EMSY: variants seen among roughly 807,000 people sequenced by gnomAD.
EMSY encodes the protein BRCA2-interacting transcriptional repressor EMSY.
Under a neutral mutation model 134.6 loss-of-function variants are expected in EMSY, and 26 were observed. The observed-to-expected ratio is 0.19, with a 90% CI of 0.14 to 0.27. The LOEUF (loss-of-function observed/expected upper bound fraction) is 0.27, where lower values mean the gene tolerates loss of function less well. Among genes scored for constraint, EMSY ranks in the 10% least tolerant of loss-of-function variants. The probability of loss-of-function intolerance (pLI) is 1.00; values close to 1 mark genes in which losing one functional copy is unlikely to be tolerated. For missense variants in EMSY, 1,305 were observed against 1,611.4 expected (o/e 0.81, Z 3.26); for synonymous variants, 579 against 577.8 (o/e 1.00, Z -0.03).
intron 1 of EMSY, among the ~76,000 whole-genome samples, chr11:76,446,644 A>C (rs1947424500): frequency 6.6e-6 from 1 of 152,186 alleles, no homozygotes; most frequent in South Asian, 2.1e-4. Context: ...CTTAGGCTTA[A>C]CCAGTAAGTT....
chr11:76,499,151 AG>A (rs1949759308), intron 9 of EMSY, among the ~76,000 whole-genome samples: 1 of 151,894 alleles, frequency 6.6e-6, no homozygotes, highest in African/African-American at 2.4e-5. Flanking sequence ...TAGTAGAGAC[AG>A]GGTTTTACCA....
At chr11:76,501,392 A>AC (rs1949851598) in intron 9 of EMSY, among the ~76,000 whole-genome samples, 1 of 152,218 alleles carries the variant, frequency 6.6e-6, no homozygotes, top group Non-Finnish European at 1.5e-5. Flanking sequence ...TAGCCATTAC[A>AC]AATATGTTCA....
At chr11:76,472,686 G>A in exon 8 of EMSY, 1 of 1,614,130 alleles carries the variant, frequency 6.2e-7, no homozygotes, top group African/African-American at 1.3e-5. Context: ...CAACCCAGAA[G>A]CCACCAGTTG....
intron 4 of EMSY, chr11:76,453,915 T>G (rs4625500): frequency 0.4 from 61,013 of 151,926 alleles, 12,660 homozygotes; most frequent in South Asian, 0.51. Context: ...ATAAAACGAT[T>G]AAAGATTCTT....
At chr11:76,510,127 G>T (rs1369390844) in intron 9 of EMSY, among the ~76,000 whole-genome samples, 1 of 152,236 alleles carries the variant, frequency 6.6e-6, no homozygotes, top group African/African-American at 2.4e-5. Context: ...GGCCAAGGCA[G>T]GGGGACTGCT....
intron 4 of EMSY, among the ~76,000 whole-genome samples, chr11:76,455,918 A>G (rs1947853073): frequency 6.6e-6 from 1 of 152,086 alleles, no homozygotes; most frequent in Non-Finnish European, 1.5e-5. Flanking sequence ...TTTCCCCATC[A>G]CTCAGACATT....
intron 9 of EMSY, among the ~76,000 whole-genome samples, chr11:76,509,111 T>TA (rs995516737): frequency 1.3e-4 from 19 of 151,422 alleles, no homozygotes; most frequent in South Asian, 6.3e-4. Context: ...GATATAATAA[T>TA]AAAAAAAAAC....
rs1159108113 is a variant in EMSY, at chr11:76,454,330, G to A, written c.245+942G>A. 3.3e-5 allele frequency among the ~76,000 whole-genome samples: 5 copies of A among 151,998 alleles called. No individual in the cohort carries two copies. The South Asian group carries it at 8.3e-4, about 25-fold the overall frequency. ...ACCTTTTCAACAACGTAGTTTGAAG[G>A]TTGAGCTGTTTATTCTGGAATTTTG... On this transcript the variant is annotated intron_variant, in intron 4 of 20. Coordinates refer to ENST00000334736, the Ensembl canonical transcript of EMSY.
intron 10 of EMSY, 61 bp from the exon 12 acceptor site, chr11:76,516,081 T>A: frequency 1.4e-6 from 2 of 1,395,274 alleles, no homozygotes; most frequent in Non-Finnish European, 2.0e-6. Flanking sequence ...TTAAACTGTA[T>A]TAATTATCAT....
intron 8 of EMSY, among the ~76,000 whole-genome samples, chr11:76,478,132 C>G (rs1948836111): frequency 6.6e-6 from 1 of 152,120 alleles, no homozygotes; most frequent in South Asian, 2.1e-4. Flanking sequence ...TCACAAAATA[C>G]CTTCCCTGTG....
exon 19 of EMSY, chr11:76,544,764 A>C: frequency 6.2e-7 from 1 of 1,614,136 alleles, no homozygotes; most frequent in Non-Finnish European, 8.5e-7. Flanking sequence ...GTGCAACCCC[A>C]AACCCCCCAG....
chr11:76,546,668 A>T (rs1008398192), intron 20 of EMSY, among the ~76,000 whole-genome samples: 2 of 152,084 alleles, frequency 1.3e-5, no homozygotes, highest in Admixed American at 1.3e-4. Context: ...ATTTTTGCTC[A>T]AAAAATTCTG....
chr11:76,549,306 C>A (rs944752512), intron 20 of EMSY, among the ~76,000 whole-genome samples: 1 of 152,100 alleles, frequency 6.6e-6, no homozygotes, highest in East Asian at 1.9e-4. Context: ...ATAGTGAGTA[C>A]AATAGGAAAC....
chr11:76,449,840 T>C lies in EMSY; in HGVS notation c.71-2018T>C, dbSNP rs562127900. ...TGTTGGATTTTAATCACCTTGAGGA[T>C]AGGGATTTTATTTTGTTCCTAGAAA... On this transcript the variant is annotated intron_variant, in intron 2 of 20. Transcript: ENST00000334736. Among the ~76,000 whole-genome samples the C allele has an allele frequency of 1.0e-3, 157 of 152,304 alleles. 1 individual carries two copies. Among genetic ancestry groups the C allele is most frequent in the African/African-American group, 3.6e-3 (150 of 41,558 alleles).
intron 11 of EMSY, among the ~76,000 whole-genome samples, chr11:76,518,705 T>TATATATATATATATATATATA (rs1406438858): frequency 9.0e-4 from 73 of 80,672 alleles, no homozygotes; most frequent in Non-Finnish European, 1.4e-3. Flanking sequence ...ATATATATAT[T>TATATATATATATATATATATA]TTTTTTTTAA....
At chr11:76,531,369 T>A (rs1951035698) in intron 14 of EMSY, among the ~76,000 whole-genome samples, 1 of 152,202 alleles carries the variant, frequency 6.6e-6, no homozygotes, top group African/African-American at 2.4e-5. Context: ...TTTTTAATTC[T>A]CTTTAACCTG....
chr11:76,527,560 A>G (rs1950887902), intron 13 of EMSY, among the ~76,000 whole-genome samples: 1 of 152,138 alleles, frequency 6.6e-6, no homozygotes, highest in East Asian at 1.9e-4. Context: ...TAGAGTTCAG[A>G]TTTTGAAGTA....
At chr11:76,489,294 T>C (rs1949316768) in intron 8 of EMSY, among the ~76,000 whole-genome samples, 1 of 151,814 alleles carries the variant, frequency 6.6e-6, no homozygotes. Flanking sequence ...TTGATGGACT[T>C]GATCAGATTC....
chr11:76,460,035 C>T (rs2135066135), exon 6 of EMSY: 1 of 1,614,148 alleles, frequency 6.2e-7, no homozygotes, highest in Non-Finnish European at 8.5e-7. Context: ...CCTGCCAGTC[C>T]TGCCTCCAAT....
Sources: allele counts gnomAD v4.1 joint callset (sites outside exome capture counted in the v4.1 genomes callset), GRCh38; gene constraint gnomAD v4.1.1; transcripts MANE v1.5; gene names NCBI Gene and HGNC (gene_info 2026-07-23, HGNC 2026-07-21).